The following ACTR6 variants were observed in gnomAD, a reference collection of about 807,000 sequenced individuals.
The protein encoded by ACTR6 is actin related protein 6.
Under a neutral mutation model 52.5 loss-of-function variants are expected in ACTR6, and 50 were observed. The ratio of observed to expected loss-of-function variants is 0.95; its 90% confidence interval spans 0.76 to 1.20. The LOEUF (loss-of-function observed/expected upper bound fraction) is 1.20. ACTR6 is among the 50% of genes most tolerant of loss of function. The pLI is 0.00. For missense variants in ACTR6, 344 were observed against 472.4 expected (o/e 0.73, Z 2.52); for synonymous variants, 135 against 147.2 (o/e 0.92, Z 0.60).
chr12:100,205,682 T>A lies in ACTR6; in HGVS notation c.193T>A (p.Leu65Met). Residue 65 changes from leucine (L) to methionine (M), a missense_variant, in exon 3 of 11, where the codon TTG (leucine) becomes ATG (methionine). Coordinates refer to ENST00000188312, the MANE Select transcript of ACTR6 (RefSeq NM_022496.5). ...FYILPFQKGY[L>M]VNWDVQRQVW... ...TTATAAAAACATTTTTTAGGGCTAC[T>A]TGGTGAATTGGGATGTTCAGAGACA... The A allele has an allele frequency of 6.6e-7, 1 of 1,512,458 alleles. No individual in the cohort carries two copies. The highest frequency in any genetic ancestry group is 8.8e-7 in the Non-Finnish European group (1 of 1,133,762). 93.7% of individuals were successfully genotyped at this position (1,512,458 alleles called of 1,614,324 possible). A position where few individuals can be genotyped will look rare whatever the true frequency, so the allele number is the denominator to read the frequency against.
At chr12:100,220,802 C>T (rs1401438254) in intron 10 of ACTR6, among the ~76,000 whole-genome samples, 1 of 152,042 alleles carries the variant, frequency 6.6e-6, no homozygotes, top group Non-Finnish European at 1.5e-5. Flanking sequence ...TGAGACCAGC[C>T]TGGGCAACAT....
At chr12:100,201,119 G>A in intron 1 of ACTR6, 200 bp downstream of exon 1, 3 of 1,355,582 alleles carry the variant, frequency 2.2e-6, no homozygotes, top group Non-Finnish European at 2.9e-6. Flanking sequence ...TGGGCTGCGA[G>A]GCCCCGGAAG....
intron 10 of ACTR6, among the ~76,000 whole-genome samples, chr12:100,223,356 G>GA (rs1246592145): frequency 1.3e-5 from 2 of 151,958 alleles, no homozygotes; most frequent in Non-Finnish European, 2.9e-5. Flanking sequence ...AAAAAAGAAA[G>GA]AAAGTGGGAG....
Position 100,212,543 on chromosome 12 carries a change from C to A in ACTR6, c.750+15C>A, listed in dbSNP as rs753628969. Reference sequence around the variant, plus strand: ...GCTTTTGTAAGGTAATTTTTAAAAACCATCAATGGTTGGTTGCTGCGGCTC... The same window carrying A: ...GCTTTTGTAAGGTAATTTTTAAAAAACATCAATGGTTGGTTGCTGCGGCTC... On this transcript the variant is annotated intron_variant, in intron 8 of 10. Coordinates refer to ENST00000188312, the MANE Select transcript of ACTR6 (RefSeq NM_022496.5). 1 of 1,596,094 alleles carries A rather than the reference C, an allele frequency of 6.3e-7. No homozygotes were observed. Among genetic ancestry groups the A allele is most frequent in the Non-Finnish European group, 8.6e-7 (1 of 1,163,814 alleles).
intron 4 of ACTR6, 31 bp downstream of exon 4, chr12:100,207,817 A>G: frequency 6.3e-7 from 1 of 1,579,838 alleles, no homozygotes; most frequent in Non-Finnish European, 8.7e-7. Flanking sequence ...AAATTGAGTT[A>G]TATGACTATG....
chr12:100,215,564 G>A (rs1292159212), intron 8 of ACTR6, among the ~76,000 whole-genome samples: 3 of 152,162 alleles, frequency 2.0e-5, no homozygotes, highest in African/African-American at 7.2e-5. Context: ...CTCTGTTGCT[G>A]ATTCTCATAT....
intron 1 of ACTR6, chr12:100,203,645 C>CTTTTTTTTTTTTTTTTTT (rs1165148598): frequency 1.0e-5 from 1 of 97,930 alleles, no homozygotes; most frequent in Non-Finnish European, 1.9e-5. Context: ...ACTTGTGAAT[C>CTTTTTTTTTTTTTTTTTT]TTTTTTTTTT....
rs1363670959 is a variant in ACTR6 at position 100,218,964 on chromosome 12, T to A, written c.922+378T>A. On this transcript the variant is annotated intron_variant, in intron 9 of 10. Transcript: ENST00000188312. The surrounding 1 kb of genome is among the most constrained non-coding windows in gnomAD (Gnocchi z 4.2). ...TATTGGTAGACTGACTTATTCTTTCTGCTATATTTAGAGTAACATACAGGA... is the reference window on the plus strand; with the variant it reads ...TATTGGTAGACTGACTTATTCTTTCAGCTATATTTAGAGTAACATACAGGA... Among the ~76,000 whole-genome samples, 1 of 152,002 alleles carries A rather than the reference T, an allele frequency of 6.6e-6. No individual in the cohort carries two copies. The highest frequency in any genetic ancestry group is 2.4e-5 in the African/African-American group (1 of 41,396).
At chr12:100,212,172 T>C in intron 6 of ACTR6, 84 bp from the exon 7 acceptor site, 1 of 1,006,410 alleles carries the variant, frequency 9.9e-7, no homozygotes, top group South Asian at 1.8e-5. Flanking sequence ...TACCTGAAAA[T>C]TTAATTCCAG....
At chr12:100,219,652 C>G (rs190932841) in intron 9 of ACTR6, among the ~76,000 whole-genome samples, 4 of 152,274 alleles carry the variant, frequency 2.6e-5, no homozygotes, top group South Asian at 4.1e-4. Context: ...GAACCACCCC[C>G]CTTCCATTTT....
At position 100,210,362 on chromosome 12, in the gene ACTR6, G is replaced by A; in HGVS notation, c.572+11G>A. The A allele has an allele frequency of 6.2e-7, 1 of 1,612,692 alleles. No individual in the cohort carries two copies. The highest frequency in any genetic ancestry group is 2.2e-5 in the East Asian group (1 of 44,840). On this transcript the variant is annotated intron_variant, in intron 6 of 10. Coordinates refer to ENST00000188312, the MANE Select transcript of ACTR6 (RefSeq NM_022496.5). Reference sequence around the variant, plus strand: ...GATCATATCTTACAGGTGATGCTTAGCTTTGATTCTTTGGGAGGATGGGGC... The same window carrying A: ...GATCATATCTTACAGGTGATGCTTAACTTTGATTCTTTGGGAGGATGGGGC...
At chr12:100,208,704 A>G in intron 4 of ACTR6, 1 of 456,008 alleles carries the variant, frequency 2.2e-6, no homozygotes, top group East Asian at 6.9e-5. Context: ...ATTCTGAGGT[A>G]GTTATCTTTC....
At chr12:100,207,589 T>A (rs990832134) in intron 3 of ACTR6, 74 bp from the exon 4 acceptor site, 19 of 1,253,840 alleles carry the variant, frequency 1.5e-5, no homozygotes, top group Admixed American at 2.6e-5. Flanking sequence ...TTAAATAAAT[T>A]TGTTTGTACA....
intron 8 of ACTR6, among the ~76,000 whole-genome samples, chr12:100,217,039 G>A (rs1489077305): frequency 6.6e-6 from 1 of 152,092 alleles, no homozygotes; most frequent in African/African-American, 2.4e-5. Context: ...TATGTGCTTT[G>A]GATTATGATA....
intron 8 of ACTR6, among the ~76,000 whole-genome samples, chr12:100,217,954 A>T (rs2096125111): frequency 6.6e-6 from 1 of 152,122 alleles, no homozygotes; most frequent in South Asian, 2.1e-4. Context: ...CATTATAGGT[A>T]TATTATGAAG....
chr12:100,205,508 T>C (rs1042635576), intron 2 of ACTR6, 168 bp from the exon 3 acceptor site: 1 of 407,342 alleles, frequency 2.5e-6, no homozygotes, highest in African/African-American at 2.1e-5. Context: ...AATTTTTTTT[T>C]AAATTAAAAA....
intron 8 of ACTR6, among the ~76,000 whole-genome samples, chr12:100,214,562 CAA>C (rs1258155369): frequency 1.4e-4 from 9 of 64,804 alleles, no homozygotes; most frequent in Admixed American, 1.9e-4. Context: ...CCTGTCTCTA[CAA>C]AAAAAAAAAA....
rs187948951 is a variant in ACTR6, at chr12:100,205,545, G to A, written c.187-131G>A. 75 of 572,792 alleles carry A rather than the reference G, an allele frequency of 1.3e-4. No homozygotes were observed. In the East Asian group the frequency reaches 2.0e-3, roughly 16 times the overall value. 35.5% of individuals were successfully genotyped at this position (572,792 alleles called of 1,614,324 possible). On this transcript the variant is annotated intron_variant, in intron 2 of 10. Coordinates refer to ENST00000188312, the MANE Select transcript of ACTR6 (RefSeq NM_022496.5). The stretch of plus-strand genomic sequence containing the variant: ...AAGAAATTCATACAGCATTACACTG[G>A]AAATGGTAACCATAGATAGAAATCA...
intron 9 of ACTR6, among the ~76,000 whole-genome samples, chr12:100,219,160 T>TAAA (rs563553340): frequency 2.5e-5 from 3 of 117,934 alleles, no homozygotes; most frequent in Non-Finnish European, 3.6e-5. Flanking sequence ...TTCCTCTCAT[T>TAAA]AAAAAAAAAA....
Sources: gnomAD v4.1 joint callset for allele counts (sites outside exome capture counted in the v4.1 genomes callset) on GRCh38, gnomAD v4.1.1 for gene constraint, Gnocchi (gnomAD v3.1) non-coding constraint, MANE v1.5 for transcripts, NCBI Gene and HGNC (gene_info 2026-07-23, HGNC 2026-07-21) for gene names.